The following ARHGAP15 variants were observed in gnomAD, a reference collection of about 807,000 sequenced individuals.
ARHGAP15 encodes the protein rho GTPase-activating protein 15.
A neutral mutation model predicts 63.7 loss-of-function variants in ARHGAP15; 51 were observed. The ratio of observed to expected loss-of-function variants is 0.80; its 90% confidence interval spans 0.64 to 1.01. The LOEUF is 1.01. Ranked by LOEUF, ARHGAP15 falls within the 50% of genes least tolerant of loss-of-function variation. The probability of loss-of-function intolerance (pLI) is 0.00; values close to 1 mark genes in which losing one functional copy is unlikely to be tolerated. For synonymous variants in ARHGAP15, 191 were observed against 193.8 expected (o/e 0.99, Z 0.12); for missense variants, 560 against 564.6 (o/e 0.99, Z 0.08).
chr2:143,632,321 A>G (rs1467918646), intron 12 of ARHGAP15, among the ~76,000 whole-genome samples: 1 of 151,988 alleles, frequency 6.6e-6, no homozygotes, highest in Non-Finnish European at 1.5e-5. Context: ...AATATATAAA[A>G]CCATATGAAC....
At chr2:143,749,209 G>A (rs1686279045) in intron 13 of ARHGAP15, among the ~76,000 whole-genome samples, 1 of 152,122 alleles carries the variant, frequency 6.6e-6, no homozygotes, top group South Asian at 2.1e-4. Flanking sequence ...GCCTGCAGTG[G>A]CCTCCAATCG....
intron 10 of ARHGAP15, among the ~76,000 whole-genome samples, chr2:143,542,655 ATATT>A (rs1282817658): frequency 7.0e-6 from 1 of 142,734 alleles, no homozygotes; most frequent in African/African-American, 2.5e-5. Context: ...TATATGATAT[ATATT>A]ATATATATGA....
At chr2:143,198,603 T>C (rs79116693) in intron 2 of ARHGAP15, among the ~76,000 whole-genome samples, 2 of 152,274 alleles carry the variant, frequency 1.3e-5, no homozygotes, top group East Asian at 1.9e-4. Flanking sequence ...TAATCTCTTA[T>C]GCTCCTAATA....
chr2:143,587,339 C>G (rs184616758), intron 11 of ARHGAP15, among the ~76,000 whole-genome samples: 5 of 152,180 alleles, frequency 3.3e-5, no homozygotes, highest in African/African-American at 1.2e-4. Flanking sequence ...TGGTTTGATG[C>G]TATGGCTATT....
intron 10 of ARHGAP15, among the ~76,000 whole-genome samples, chr2:143,522,696 T>C (rs1420817025): frequency 2.6e-5 from 4 of 152,160 alleles, no homozygotes; most frequent in African/African-American, 9.6e-5. Flanking sequence ...CAATAGCTAA[T>C]GAGCTTTAAA....
intron 13 of ARHGAP15, among the ~76,000 whole-genome samples, chr2:143,750,344 G>C (rs1305168754): frequency 6.6e-6 from 1 of 152,174 alleles, no homozygotes; most frequent in Non-Finnish European, 1.5e-5. Context: ...AGGAGGCTAA[G>C]GCAGGAGAAC....
intron 5 of ARHGAP15, among the ~76,000 whole-genome samples, chr2:143,230,792 GT>G (rs1693403192): frequency 6.6e-6 from 1 of 152,150 alleles, no homozygotes; most frequent in Admixed American, 6.6e-5. Flanking sequence ...AGATGCTGTG[GT>G]TTTATTTTGA....
At chr2:143,638,826 A>G (rs1029778962) in intron 12 of ARHGAP15, among the ~76,000 whole-genome samples, 5 of 152,060 alleles carry the variant, frequency 3.3e-5, no homozygotes, top group African/African-American at 4.8e-5. Context: ...AATAAACCCC[A>G]TAACTGTCCA....
intron 11 of ARHGAP15, among the ~76,000 whole-genome samples, chr2:143,597,499 G>A (rs988015263): frequency 4.6e-5 from 7 of 152,098 alleles, no homozygotes; most frequent in South Asian, 4.2e-4. Flanking sequence ...GATGCCAGTC[G>A]CCAGCTTGAT....
At chr2:143,278,700 T>A (rs1416636150) in intron 6 of ARHGAP15, among the ~76,000 whole-genome samples, 1 of 152,114 alleles carries the variant, frequency 6.6e-6, no homozygotes, top group African/African-American at 2.4e-5. Flanking sequence ...TAATACTAAA[T>A]TGACTACTAC....
At chr2:143,732,535 G>C (rs779318640) in intron 13 of ARHGAP15, among the ~76,000 whole-genome samples, 1 of 152,094 alleles carries the variant, frequency 6.6e-6, no homozygotes, top group Non-Finnish European at 1.5e-5. Flanking sequence ...GGTAGAAGTA[G>C]GTAGCTCACA....
chr2:143,389,979 C>CAGGG (rs1436701878), intron 6 of ARHGAP15, among the ~76,000 whole-genome samples: 14 of 143,952 alleles, frequency 9.7e-5, no homozygotes, highest in Non-Finnish European at 4.5e-5. Flanking sequence ...CATTTAAAAA[C>CAGGG]AGGGAGCTCA....
intron 6 of ARHGAP15, among the ~76,000 whole-genome samples, chr2:143,317,732 T>A (rs975476183): frequency 3.9e-5 from 6 of 152,078 alleles, no homozygotes; most frequent in African/African-American, 1.4e-4. Context: ...TAACCGTGGT[T>A]TGGGGGGATT....
chr2:143,369,452 G>A (rs1271524308), intron 6 of ARHGAP15, among the ~76,000 whole-genome samples: 1 of 151,810 alleles, frequency 6.6e-6, no homozygotes, highest in African/African-American at 2.4e-5. Context: ...GCTTAGAAGT[G>A]GATTAGAATA....
chr2:143,656,721 C>A (rs892275378), intron 12 of ARHGAP15, among the ~76,000 whole-genome samples: 5 of 152,174 alleles, frequency 3.3e-5, no homozygotes, highest in African/African-American at 1.2e-4. Context: ...AAAGTGCTTT[C>A]TAAAAGCAGT....
intron 12 of ARHGAP15, among the ~76,000 whole-genome samples, chr2:143,676,899 C>A (rs1410110950): frequency 6.6e-6 from 1 of 152,016 alleles, no homozygotes; most frequent in Non-Finnish European, 1.5e-5. Flanking sequence ...ACAAAAAAAC[C>A]CTCAATATCT....
chr2:143,186,502 G>A (rs780552813), intron 2 of ARHGAP15, among the ~76,000 whole-genome samples: 5 of 152,106 alleles, frequency 3.3e-5, no homozygotes, highest in African/African-American at 4.8e-5. Flanking sequence ...TGTGATTTTA[G>A]TTCTCCATTC....
intron 6 of ARHGAP15, among the ~76,000 whole-genome samples, chr2:143,352,538 A>G (rs1685616901): frequency 6.6e-6 from 1 of 152,154 alleles, no homozygotes; most frequent in Non-Finnish European, 1.5e-5. Flanking sequence ...AAAATTATCA[A>G]TGGTCAAATA....
At chr2:143,332,054 G>A (rs1558899452) in intron 6 of ARHGAP15, among the ~76,000 whole-genome samples, 1 of 152,134 alleles carries the variant, frequency 6.6e-6, no homozygotes, top group Non-Finnish European at 1.5e-5. Flanking sequence ...TAATGCAGAT[G>A]TTTGAGTCAT....
Sources: allele counts gnomAD v4.1 joint callset (sites outside exome capture counted in the v4.1 genomes callset), GRCh38; gene constraint gnomAD v4.1.1; transcripts MANE v1.5; gene names NCBI Gene and HGNC (gene_info 2026-07-23, HGNC 2026-07-21).